The following PRKD1 variants were observed in gnomAD, a reference collection of about 807,000 sequenced individuals.
The protein encoded by PRKD1 is protein kinase D1, also known as serine/threonine-protein kinase D1.
A neutral mutation model predicts 95.9 loss-of-function variants in PRKD1; 63 were observed. The ratio of observed to expected loss-of-function variants is 0.66; its 90% CI spans 0.54 to 0.81. The LOEUF (loss-of-function observed/expected upper bound fraction) is 0.81, where lower values mean the gene tolerates loss of function less well. Among genes scored for constraint, PRKD1 ranks in the 30% least tolerant of loss-of-function variants. The pLI is 0.00. For synonymous variants in PRKD1, 425 were observed against 423.1 expected (o/e 1.00, Z -0.05); for missense variants, 1,048 against 1,165.3 (o/e 0.90, Z 1.47).
At chr14:29,854,568 T>C (rs1467524122) in intron 1 of PRKD1, among the ~76,000 whole-genome samples, 1 of 152,196 alleles carries the variant, frequency 6.6e-6, no homozygotes, top group Non-Finnish European at 1.5e-5. Flanking sequence ...TCAGAAAATC[T>C]GCCGCCTGAC....
intron 1 of PRKD1, among the ~76,000 whole-genome samples, chr14:29,762,220 A>T (rs1194203653): frequency 1.3e-5 from 2 of 152,226 alleles, no homozygotes; most frequent in Admixed American, 6.5e-5. Flanking sequence ...GTGTGTAATG[A>T]AATCAAGCTC....
intron 2 of PRKD1, among the ~76,000 whole-genome samples, chr14:29,716,181 T>C (rs943543140): frequency 6.6e-5 from 10 of 152,204 alleles, no homozygotes; most frequent in African/African-American, 2.2e-4. Flanking sequence ...TGTCTTCAAT[T>C]AGCACAGTAA....
chr14:29,909,388 G>C (rs1894620676), intron 1 of PRKD1, among the ~76,000 whole-genome samples: 1 of 151,764 alleles, frequency 6.6e-6, no homozygotes, highest in Non-Finnish European at 1.5e-5. Flanking sequence ...CAAGGGCTGA[G>C]GAGTGTGGGC....
chr14:29,737,671 A>T (rs893268299), intron 1 of PRKD1, among the ~76,000 whole-genome samples: 2 of 152,188 alleles, frequency 1.3e-5, no homozygotes, highest in African/African-American at 2.4e-5. Flanking sequence ...GTGTTCTAAC[A>T]AGAATGCCTA....
At chr14:29,731,882 T>TA (rs1555339685) in intron 1 of PRKD1, among the ~76,000 whole-genome samples, 19 of 124,650 alleles carry the variant, frequency 1.5e-4, no homozygotes, top group Admixed American at 6.4e-4. Flanking sequence ...TTTTTTTTTT[T>TA]TTTTTTTTTG....
At chr14:29,892,843 C>T (rs538793389) in intron 1 of PRKD1, among the ~76,000 whole-genome samples, 1 of 152,280 alleles carries the variant, frequency 6.6e-6, no homozygotes, top group Admixed American at 6.5e-5. Context: ...GCACTGCTTA[C>T]AAATAAGAAT....
intron 2 of PRKD1, among the ~76,000 whole-genome samples, chr14:29,676,192 T>TTGTTTTTTG (rs61509628): frequency 7.8e-6 from 1 of 128,528 alleles, no homozygotes. Context: ...TGTTTTTTTT[T>TTGTTTTTTG]TTTTTTTTTT....
rs145171860 is a variant in PRKD1 at position 29,577,401 on chromosome 14, T to C, written c.2576A>G (p.Tyr859Cys). 1.9e-6 allele frequency: 3 copies of C among 1,613,842 alleles called. No individual in the cohort carries two copies. The highest frequency in any genetic ancestry group is 1.7e-4 in the Middle Eastern group (1 of 6,058). The change falls in exon 18 of 18, where the codon TAC becomes TGC. Residue 859 changes from tyrosine to cysteine, a missense_variant. By Grantham distance (194) the Tyr-to-Cys change is radical. This residue lies in a region of PRKD1 where 739 missense variants were observed against 861.9 expected (regional missense o/e 0.86). Transcript: ENST00000331968. ...CAGGTCATCACTTTCATGGGTGATG[T>C]AGCGCTCCCCGATTTTGCATTCCAG... ...RELECKIGERYITHESDDLRW... is the reference protein window; with the variant it reads ...RELECKIGERCITHESDDLRW...
rs45495298 is a variant in PRKD1 at position 29,635,251 on chromosome 14, T to C, written c.1191-710A>G. Among the ~76,000 whole-genome samples the C allele has an allele frequency of 8.6e-3, 1,313 of 152,280 alleles. 21 individuals carry two copies. Among genetic ancestry groups the C allele is most frequent in the African/African-American group, 0.03 (1,249 of 41,544 alleles). On this transcript the variant is annotated intron_variant, in intron 7 of 17. Coordinates refer to ENST00000331968, the MANE Select transcript of PRKD1 (RefSeq NM_002742.3). ...GATTACATTATTCAACATGAATTTT[T>C]AGTTTCTCTGCATAATGTCATAAAA...
At chr14:29,787,947 T>C (rs977670406) in intron 1 of PRKD1, among the ~76,000 whole-genome samples, 1 of 152,150 alleles carries the variant, frequency 6.6e-6, no homozygotes, top group Non-Finnish European at 1.5e-5. Context: ...TACAAATTGG[T>C]GGGCTTTTTG....
Position 29,653,172 on chromosome 14 carries a change from A to C in PRKD1, c.696+10527T>G, listed in dbSNP as rs151022628. Among the ~76,000 whole-genome samples the C allele has an allele frequency of 3.5e-4, 54 of 152,266 alleles. 1 individual carries two copies. Among genetic ancestry groups the C allele is most frequent in the African/African-American group, 1.3e-3 (53 of 41,550 alleles). On this transcript the variant is annotated intron_variant, in intron 4 of 17. Transcript: ENST00000331968. ...CCAATTGTTATTTAGAAAATATGCA[A>C]CCTCACATAAAAAGTTAAACTGAAT...
At chr14:29,673,858 G>C (rs916826957) in intron 2 of PRKD1, among the ~76,000 whole-genome samples, 9 of 152,330 alleles carry the variant, frequency 5.9e-5, no homozygotes, top group African/African-American at 2.2e-4. Flanking sequence ...TATAGTGTCA[G>C]TAGTGATAAA....
chr14:29,878,941 A>G (rs1893401975), intron 1 of PRKD1, among the ~76,000 whole-genome samples: 1 of 152,208 alleles, frequency 6.6e-6, no homozygotes, highest in Non-Finnish European at 1.5e-5. Context: ...TTTTAATAAA[A>G]TACATGAAAA....
rs894618772 is a variant in PRKD1, at chr14:29,763,499, G to C, written c.265-37825C>G. Among the ~76,000 whole-genome samples, 5 of 129,520 alleles carry C rather than the reference G, an allele frequency of 3.9e-5. No homozygotes were observed. The East Asian group carries it at 1.0e-3, about 27-fold the overall frequency. 85.0% of individuals were successfully genotyped at this position (129,520 alleles called of 152,430 possible). A position where few individuals can be genotyped will look rare whatever the true frequency, so the allele number is the denominator to read the frequency against. ...GAGGAGAGGGAGGAAGGGAGGGAGGGAAGGGTAAACACAGAAAAAGACTAG... is the reference window on the plus strand; with the variant it reads ...GAGGAGAGGGAGGAAGGGAGGGAGGCAAGGGTAAACACAGAAAAAGACTAG... On this transcript the variant is annotated intron_variant, in intron 1 of 17. Transcript: ENST00000331968.
At chr14:29,897,235 T>C (rs1034903801) in intron 1 of PRKD1, among the ~76,000 whole-genome samples, 4 of 152,184 alleles carry the variant, frequency 2.6e-5, no homozygotes, top group Non-Finnish European at 5.9e-5. Context: ...TGCAAAATCT[T>C]AATTATATAG....
chr14:29,912,214 A>C (rs1894741421), intron 1 of PRKD1, among the ~76,000 whole-genome samples: 1 of 152,220 alleles, frequency 6.6e-6, no homozygotes. Flanking sequence ...CATTTGACCT[A>C]TAAGGTAACA....
chr14:29,734,944 C>A (rs1428866891), intron 1 of PRKD1, among the ~76,000 whole-genome samples: 1 of 152,154 alleles, frequency 6.6e-6, no homozygotes, highest in African/African-American at 2.4e-5. Context: ...TGCTGCTAGG[C>A]AGGAAGCTCA....
chr14:29,736,992 G>T (rs1886746572), intron 1 of PRKD1, among the ~76,000 whole-genome samples: 1 of 152,108 alleles, frequency 6.6e-6, no homozygotes, highest in Non-Finnish European at 1.5e-5. Context: ...CAGTCAAGTG[G>T]AACAAAACGG....
At chr14:29,588,525 G>T (rs2138978075) in intron 16 of PRKD1, among the ~76,000 whole-genome samples, 1 of 152,256 alleles carries the variant, frequency 6.6e-6, no homozygotes, top group East Asian at 1.9e-4. Context: ...GCCATTCTAT[G>T]CCTTGAGATA....
Sources: gnomAD v4.1 joint callset for allele counts (sites outside exome capture counted in the v4.1 genomes callset) on GRCh38, gnomAD v4.1.1 for gene constraint, gnomAD v4.1.1 regional missense constraint, MANE v1.5 for transcripts, NCBI Gene and HGNC (gene_info 2026-07-23, HGNC 2026-07-21) for gene names.